The following KIF1B variants were observed in gnomAD, a reference collection of about 807,000 sequenced individuals.
The protein encoded by KIF1B is kinesin-like protein KIF1B.
A neutral mutation model predicts 241.9 loss-of-function variants in KIF1B; 76 were observed. The observed-to-expected ratio is 0.31, with a 90% confidence interval of 0.26 to 0.38. The LOEUF (loss-of-function observed/expected upper bound fraction) is 0.38, where lower values mean the gene tolerates loss of function less well. Among genes scored for constraint, KIF1B ranks in the 10% least tolerant of loss-of-function variants. The pLI is 1.00. For synonymous variants in KIF1B, 750 were observed against 796.7 expected (o/e 0.94, Z 0.99); for missense variants, 1,622 against 2,271.4 (o/e 0.71, Z 5.81).
At chr1:10,241,012 A>T (rs1050274412) in intron 2 of KIF1B, among the ~76,000 whole-genome samples, 1 of 152,144 alleles carries the variant, frequency 6.6e-6, no homozygotes, top group East Asian at 1.9e-4. Flanking sequence ...AATATTGCTG[A>T]TGCCTTCCCA....
chr1:10,215,166 ATATATATTTTTT>A lies in KIF1B; in HGVS notation c.-80+4290_-80+4301del, dbSNP rs1272448715. On this transcript the variant is annotated intron_variant, in intron 1 of 48. Transcript: ENST00000676179. Reference sequence around the variant, plus strand: ...TATATATATATATATATATATATATATATATATTTTTTTTTTTTTTTTTTTTTGAGACGGAGT... The same window carrying A: ...TATATATATATATATATATATATATATTTTTTTTTTTTTTTGAGACGGAGT... Among the ~76,000 whole-genome samples, 232 of 57,550 alleles carry A rather than the reference ATATATATTTTTT, an allele frequency of 4.0e-3. 1 individual carries two copies. Among genetic ancestry groups the A allele is most frequent in the African/African-American group, 0.02 (215 of 10,942 alleles). The allele number at this position is 57,550 out of a possible 152,430, so 37.8% of individuals were successfully genotyped here.
intron 27 of KIF1B, among the ~76,000 whole-genome samples, chr1:10,332,509 T>C (rs1468176362): frequency 2.0e-5 from 1 of 51,252 alleles, no homozygotes; most frequent in African/African-American, 7.4e-5. Context: ...TCATTTTTTT[T>C]TTTTTTTTTT....
At chr1:10,264,844 G>A (rs1648359943) in intron 5 of KIF1B, among the ~76,000 whole-genome samples, 1 of 152,054 alleles carries the variant, frequency 6.6e-6, no homozygotes, top group Non-Finnish European at 1.5e-5. Context: ...TGTATTTTTA[G>A]TAGACACAGG....
intron 27 of KIF1B, among the ~76,000 whole-genome samples, chr1:10,330,479 TAAAA>T (rs35575898): frequency 2.1e-5 from 3 of 145,898 alleles, no homozygotes; most frequent in African/African-American, 7.5e-5. Context: ...AAGCTTTCTT[TAAAA>T]AAAAAAAAGG....
At chr1:10,301,558 C>G (rs528935804) in intron 22 of KIF1B, among the ~76,000 whole-genome samples, 1 of 151,708 alleles carries the variant, frequency 6.6e-6, no homozygotes, top group East Asian at 1.9e-4. Context: ...CCCAGCTACT[C>G]GGGAGGCTGA....
At chr1:10,321,675 A>T (rs1301673826) in intron 23 of KIF1B, 34 bp from the exon 24 acceptor site, 6 of 1,610,306 alleles carry the variant, frequency 3.7e-6, no homozygotes, top group Non-Finnish European at 5.1e-6. Context: ...TAGTTGTAAG[A>T]TTGCCATTAA....
At chr1:10,212,916 A>ATATG (rs1168284940) in intron 1 of KIF1B, among the ~76,000 whole-genome samples, 2 of 122,076 alleles carry the variant, frequency 1.6e-5, no homozygotes, top group East Asian at 4.5e-4. Context: ...ATATATATAT[A>ATATG]TATATATATA....
chr1:10,308,265 ACTGT>A, intron 22 of KIF1B: 1 of 1,060,424 alleles, frequency 9.4e-7, no homozygotes, highest in Non-Finnish European at 1.1e-6. Context: ...TTTGTCCTGT[ACTGT>A]TAGAGCCAAA....
At chr1:10,327,674 C>T (rs1011067037) in intron 27 of KIF1B, among the ~76,000 whole-genome samples, 2 of 152,100 alleles carry the variant, frequency 1.3e-5, no homozygotes, top group African/African-American at 4.8e-5. Context: ...TTGTTCATCT[C>T]CAGCCTTCAT....
intron 10 of KIF1B, among the ~76,000 whole-genome samples, chr1:10,274,381 T>G (rs1648990356): frequency 6.6e-6 from 1 of 152,230 alleles, no homozygotes; most frequent in Non-Finnish European, 1.5e-5. Context: ...TTTTCATTGG[T>G]GCTTTTTGCT....
chr1:10,346,766 A>G (rs554039467), intron 35 of KIF1B, among the ~76,000 whole-genome samples: 14 of 152,380 alleles, frequency 9.2e-5, no homozygotes, highest in Non-Finnish European at 1.5e-4. Flanking sequence ...ACTGATGTCA[A>G]GGAGGACATA....
In KIF1B at chr1:10,292,083, G is replaced by A. The variant is rs1294289413; in HGVS notation, c.1551G>A (p.Arg517=). ...ALLAEMGVAI[R]EDGGTLGVFS... is the part of the protein sequence containing the mutation. ...TGGCTGAGATGGGAGTTGCCATTCG[G>A]GAAGATGGAGGAACCCTAGGGGTTT... is the stretch of plus-strand genomic sequence containing the variant. Residue 517 remains arginine, a synonymous_variant, in exon 17 of 49, where the codon CGG becomes CGA. Transcript: ENST00000676179. 1 of 1,613,894 alleles carries A rather than the reference G, an allele frequency of 6.2e-7. No homozygotes were observed. Among genetic ancestry groups the A allele is most frequent in the Non-Finnish European group, 8.5e-7 (1 of 1,179,970 alleles).
intron 1 of KIF1B, among the ~76,000 whole-genome samples, chr1:10,231,378 C>CTTTTTTTTTTTTTTT (rs35213507): frequency 4.7e-5 from 4 of 85,716 alleles, no homozygotes; most frequent in Non-Finnish European, 6.3e-5. Flanking sequence ...GTTCAGTGCC[C>CTTTTTTTTTTTTTTT]TTTTTTTTTT....
intron 3 of KIF1B, 91 bp downstream of exon 3, chr1:10,256,414 A>G (rs1230994576): frequency 1.1e-6 from 1 of 877,406 alleles, no homozygotes. Flanking sequence ...AGCAGATCCA[A>G]GTTTTGCTTC....
intron 12 of KIF1B, 33 bp from the exon 13 acceptor site, chr1:10,277,953 A>C (rs1183143312): frequency 6.2e-7 from 1 of 1,602,138 alleles, no homozygotes; most frequent in East Asian, 2.2e-5. Context: ...ACATATGAGA[A>C]ATGACAAGAA....
Position 10,289,847 on chromosome 1 carries a change from G to A in KIF1B, c.1435-1235G>A, listed in dbSNP as rs115350788. Among the ~76,000 whole-genome samples the A allele has an allele frequency of 8.4e-3, 1,274 of 152,284 alleles. 21 individuals are homozygous for A. The highest frequency in any genetic ancestry group is 0.029 in the African/African-American group (1,207 of 41,560). Reference sequence around the variant, plus strand: ...TGCAGTGAGCCGAGATCGCACCACTGTACGCTAGCCTGGATGACAGAATGA... The same window carrying A: ...TGCAGTGAGCCGAGATCGCACCACTATACGCTAGCCTGGATGACAGAATGA... On this transcript the variant is annotated intron_variant, in intron 15 of 48. Transcript: ENST00000676179.
Position 10,326,453 on chromosome 1 carries a change from C to G in KIF1B, c.2924+94C>G. 6.9e-7 allele frequency: 1 copy of G among 1,455,968 alleles called. No homozygotes were observed. Among genetic ancestry groups the G allele is most frequent in the Admixed American group, 1.7e-5 (1 of 59,740 alleles). The allele number at this position is 1,455,968 out of a possible 1,614,324, so 90.2% of individuals were successfully genotyped here. On this transcript the variant is annotated intron_variant, in intron 27 of 48. Coordinates refer to ENST00000676179, the MANE Select transcript of KIF1B (RefSeq NM_001365951.3). The surrounding 1 kb of genome is among the most constrained non-coding windows in gnomAD (Gnocchi z 5.2). Reference sequence around the variant, plus strand: ...CAATTTTGGATAACCTTGCATTAGCCAATTCAACTCATGAATGCTCTTTTT... The same window carrying G: ...CAATTTTGGATAACCTTGCATTAGCGAATTCAACTCATGAATGCTCTTTTT...
At chr1:10,278,658 C>T (rs887882871) in intron 13 of KIF1B, 1 of 179,538 alleles carries the variant, frequency 5.6e-6, no homozygotes, top group Non-Finnish European at 1.2e-5. Flanking sequence ...GGGAAAAGTT[C>T]AATTCCTATG....
intron 7 of KIF1B, among the ~76,000 whole-genome samples, chr1:10,269,528 A>C (rs1648664518): frequency 6.6e-6 from 1 of 150,718 alleles, no homozygotes; most frequent in Non-Finnish European, 1.5e-5. Context: ...AAAAAAAAAA[A>C]ACACACTCCT....
Sources: gnomAD v4.1 joint callset for allele counts (sites outside exome capture counted in the v4.1 genomes callset) on GRCh38, gnomAD v4.1.1 for gene constraint, Gnocchi (gnomAD v3.1) non-coding constraint, MANE v1.5 for transcripts, NCBI Gene and HGNC (gene_info 2026-07-23, HGNC 2026-07-21) for gene names.